The following PPARGC1A variants were observed in gnomAD, a reference collection of about 807,000 sequenced individuals.
The protein encoded by PPARGC1A is peroxisome proliferator-activated receptor gamma coactivator 1-alpha.
Under a neutral mutation model 88.7 loss-of-function variants are expected in PPARGC1A, and 25 were observed. That is an observed-to-expected ratio of 0.28 (90% CI 0.21 to 0.39). PPARGC1A has a LOEUF of 0.39. Among genes scored for constraint, PPARGC1A ranks in the 10% least tolerant of loss-of-function variants. The pLI, the probability that PPARGC1A is intolerant of heterozygous loss-of-function variation, is 1.00. For missense variants in PPARGC1A, 880 were observed against 968.7 expected (o/e 0.91, Z 1.22); for synonymous variants, 363 against 355.6 (o/e 1.02, Z -0.24).
the PPARGC1A span, among the ~76,000 whole-genome samples, chr4:24,055,813 C>T: frequency 6.6e-6 from 1 of 151,990 alleles, no homozygotes; most frequent in Non-Finnish European, 1.5e-5. Flanking sequence ...TTGCTGTACC[C>T]TCCTACTTCC....
chr4:24,386,689 T>C, the PPARGC1A span, among the ~76,000 whole-genome samples: 1 of 152,172 alleles, frequency 6.6e-6, no homozygotes, highest in Non-Finnish European at 1.5e-5. Flanking sequence ...TTACAAGGGA[T>C]GTGAAGACCT....
chr4:24,060,960 C>A, the PPARGC1A span, among the ~76,000 whole-genome samples: 4 of 152,046 alleles, frequency 2.6e-5, no homozygotes, highest in Non-Finnish European at 5.9e-5. Flanking sequence ...GCACCCACCA[C>A]ATATCAAGCA....
chr4:24,224,289 G>A, the PPARGC1A span, among the ~76,000 whole-genome samples: 1 of 152,298 alleles, frequency 6.6e-6, no homozygotes, highest in South Asian at 2.1e-4. Flanking sequence ...GAGATAAGAC[G>A]TTAAGAATAA....
chr4:24,300,471 A>G, the PPARGC1A span, among the ~76,000 whole-genome samples: 1 of 151,368 alleles, frequency 6.6e-6, no homozygotes, highest in Non-Finnish European at 1.5e-5. Context: ...CTGTGTAAAA[A>G]TAAGTATGTT....
chr4:23,812,411 C>G (rs1052395143), intron 10 of PPARGC1A, among the ~76,000 whole-genome samples: 1 of 151,888 alleles, frequency 6.6e-6, no homozygotes, highest in African/African-American at 2.4e-5. Context: ...TAACAGGAAA[C>G]AGAAAGAAAA....
the PPARGC1A span, among the ~76,000 whole-genome samples, chr4:24,206,408 A>G: frequency 1.1e-4 from 17 of 152,378 alleles, no homozygotes; most frequent in South Asian, 3.5e-3. Context: ...TAAATTTGCA[A>G]TAACACAGAA....
At chr4:24,394,605 G>A in the PPARGC1A span, among the ~76,000 whole-genome samples, 4 of 152,178 alleles carry the variant, frequency 2.6e-5, no homozygotes, top group African/African-American at 7.2e-5. Context: ...AGAAGGGATG[G>A]AGAATAGGTA....
chr4:24,188,367 A>G, the PPARGC1A span, among the ~76,000 whole-genome samples: 2 of 152,120 alleles, frequency 1.3e-5, no homozygotes, highest in Admixed American at 6.5e-5. Flanking sequence ...TTCCCCAAAG[A>G]AACGAAAGGT....
chr4:24,154,850 T>A, the PPARGC1A span, among the ~76,000 whole-genome samples: 2 of 152,316 alleles, frequency 1.3e-5, no homozygotes, highest in African/African-American at 4.8e-5. Flanking sequence ...TAAAAACAAA[T>A]GTCATTGACT....
At chr4:23,862,536 A>G (rs1731394319) in intron 2 of PPARGC1A, among the ~76,000 whole-genome samples, 1 of 152,214 alleles carries the variant, frequency 6.6e-6, no homozygotes, top group African/African-American at 2.4e-5. Context: ...GCCCTGGGCA[A>G]GTTACTTATT....
intron 8 of PPARGC1A, 61 bp from the exon 9 acceptor site, chr4:23,813,186 G>A (rs1207673676): frequency 6.4e-6 from 9 of 1,407,676 alleles, no homozygotes; most frequent in East Asian, 4.6e-5. Context: ...CAAGTTTATC[G>A]GCACTGTGGA....
the PPARGC1A span, among the ~76,000 whole-genome samples, chr4:24,377,191 GA>G: frequency 1.3e-5 from 2 of 151,838 alleles, no homozygotes; most frequent in African/African-American, 4.8e-5. Flanking sequence ...AAGCCAAGGG[GA>G]AAAAAAGAAA....
At chr4:24,056,590 C>T in the PPARGC1A span, among the ~76,000 whole-genome samples, 2 of 152,062 alleles carry the variant, frequency 1.3e-5, no homozygotes, top group Admixed American at 1.3e-4. Context: ...CTTATTTTTC[C>T]TAGAATGGCT....
the PPARGC1A span, among the ~76,000 whole-genome samples, chr4:24,403,927 G>T: frequency 6.6e-6 from 1 of 152,104 alleles, no homozygotes; most frequent in South Asian, 2.1e-4. Context: ...ATGCAAAAGT[G>T]AAGGCTAGGT....
the PPARGC1A span, among the ~76,000 whole-genome samples, chr4:23,921,659 G>A: frequency 1.2e-4 from 18 of 152,310 alleles, no homozygotes; most frequent in South Asian, 2.3e-3. Context: ...TTTGTGTGTG[G>A]CTCTCCTGGA....
the PPARGC1A span, among the ~76,000 whole-genome samples, chr4:24,419,248 C>A: frequency 6.6e-6 from 1 of 151,600 alleles, no homozygotes; most frequent in Admixed American, 6.6e-5. Flanking sequence ...AGGACGCCAT[C>A]TGTTGCTCAG....
chr4:24,291,502 A>C, the PPARGC1A span, among the ~76,000 whole-genome samples: 1 of 152,220 alleles, frequency 6.6e-6, no homozygotes, highest in Non-Finnish European at 1.5e-5. Context: ...TGAGTAGCAC[A>C]CACAGTCTGC....
intron 5 of PPARGC1A, among the ~76,000 whole-genome samples, chr4:23,825,685 C>A (rs555534916): frequency 1.2e-4 from 18 of 152,026 alleles, no homozygotes; most frequent in Admixed American, 7.2e-4. Context: ...CCAAATTAAC[C>A]TGAAATTAGA....
At chr4:24,444,745 G>A in the PPARGC1A span, among the ~76,000 whole-genome samples, 1 of 152,154 alleles carries the variant, frequency 6.6e-6, no homozygotes, top group African/African-American at 2.4e-5. Flanking sequence ...GAGCAAGTGA[G>A]TCTGTATCTG....
Sources: gnomAD v4.1 joint callset for allele counts (sites outside exome capture counted in the v4.1 genomes callset) on GRCh38, gnomAD v4.1.1 for gene constraint, MANE v1.5 for transcripts, NCBI Gene and HGNC (gene_info 2026-07-23, HGNC 2026-07-21) for gene names.